NOX4: variants seen among roughly 807,000 people sequenced by gnomAD.
NOX4 encodes kidney oxidase-1.
Under a neutral mutation model 87.6 loss-of-function variants are expected in NOX4, and 69 were observed. That is an observed-to-expected ratio of 0.79 (90% CI 0.65 to 0.96). The LOEUF (loss-of-function observed/expected upper bound fraction) is 0.96. NOX4 is among the 40% of genes least tolerant of loss of function. NOX4 has a pLI of 0.00. For synonymous variants in NOX4, 275 were observed against 238.2 expected, an observed-to-expected ratio of 1.15 and a Z score of -1.42; for missense variants, 680 against 681.5, an observed-to-expected ratio of 1.00 and a Z score of 0.02.
At chr11:89,484,413 T>G (rs1946505710) in intron 2 of NOX4, among the ~76,000 whole-genome samples, 1 of 152,148 alleles carries the variant, frequency 6.6e-6, no homozygotes. Context: ...AAATCAATCA[T>G]TTTCGCTAGC....
chr11:89,497,586 C>A (rs1206114346), intron 1 of NOX4, among the ~76,000 whole-genome samples: 1 of 152,188 alleles, frequency 6.6e-6, no homozygotes, highest in Non-Finnish European at 1.5e-5. Context: ...ATTGAGCTCA[C>A]CGAGCACCTT....
At chr11:89,348,723 A>G (rs536878426) in intron 13 of NOX4, among the ~76,000 whole-genome samples, 14 of 152,050 alleles carry the variant, frequency 9.2e-5, no homozygotes, top group African/African-American at 3.4e-4. Flanking sequence ...ACACATACAC[A>G]GTTTTCAGCC....
Position 89,417,376 on chromosome 11 carries a change from T to C in NOX4, c.629+4526A>G, listed in dbSNP as rs573815132. 3.3e-5 allele frequency among the ~76,000 whole-genome samples: 5 copies of C among 152,266 alleles called. No homozygotes were observed. In the South Asian group the frequency reaches 1.0e-3, roughly 32 times the overall value. On this transcript the variant is annotated intron_variant, in intron 8 of 17. Transcript: ENST00000263317. ...AAAGAGGAAATGGTTTTGTTTTGTT[T>C]TGTTTTCACCAGGTATCTTAGGAAT... is the stretch of plus-strand genomic sequence containing the variant.
chr11:89,488,122 A>G (rs1456194718), intron 2 of NOX4, among the ~76,000 whole-genome samples: 1 of 152,138 alleles, frequency 6.6e-6, no homozygotes, highest in Non-Finnish European at 1.5e-5. Context: ...TCTTGGTAAA[A>G]TGGAGAATAC....
chr11:89,575,984 T>C, the NOX4 span, among the ~76,000 whole-genome samples: 1 of 152,218 alleles, frequency 6.6e-6, no homozygotes, highest in African/African-American at 2.4e-5. Flanking sequence ...AGTCTATGAA[T>C]GCTCCATGTT....
chr11:89,356,706 T>C (rs1285667556), intron 12 of NOX4, among the ~76,000 whole-genome samples: 1 of 152,202 alleles, frequency 6.6e-6, no homozygotes, highest in Non-Finnish European at 1.5e-5. Flanking sequence ...GTTATATGTA[T>C]TTATCTCTCT....
intron 17 of NOX4, among the ~76,000 whole-genome samples, chr11:89,331,238 C>T (rs1945455850): frequency 6.6e-6 from 1 of 151,366 alleles, no homozygotes; most frequent in African/African-American, 2.4e-5. Context: ...TTAAAATAAC[C>T]CATGGGTCAA....
chr11:89,373,958 C>A (rs1939650211), intron 11 of NOX4, among the ~76,000 whole-genome samples: 1 of 151,920 alleles, frequency 6.6e-6, no homozygotes, highest in Non-Finnish European at 1.5e-5. Flanking sequence ...CAATTATGCT[C>A]CTACAGAAAT....
chr11:89,405,115 T>TGTGTGTGTG (rs58137988), intron 8 of NOX4, among the ~76,000 whole-genome samples: 26 of 149,998 alleles, frequency 1.7e-4, no homozygotes, highest in African/African-American at 2.2e-4. Flanking sequence ...TGTGTGTGTG[T>TGTGTGTGTG]TGGAATGGGG....
At chr11:89,438,952 T>TATATA (rs566290748) in intron 6 of NOX4, among the ~76,000 whole-genome samples, 2,730 of 80,710 alleles carry the variant, frequency 0.034, 180 homozygotes, top group African/African-American at 0.12. Context: ...TATTATTTTA[T>TATATA]ATATAATAAT....
the NOX4 span, among the ~76,000 whole-genome samples, chr11:89,553,092 C>T: frequency 6.6e-6 from 1 of 152,090 alleles, no homozygotes; most frequent in Non-Finnish European, 1.5e-5. Context: ...CAGTGTTTTA[C>T]CCCACACAGG....
chr11:89,434,572 A>G (rs993103083), intron 6 of NOX4, among the ~76,000 whole-genome samples: 11 of 152,044 alleles, frequency 7.2e-5, no homozygotes, highest in African/African-American at 2.2e-4. Context: ...GAAAAATAGC[A>G]TGCCTGCAAA....
Position 89,440,692 on chromosome 11 carries a change from T to G in NOX4, c.471A>C (p.Thr157=). Residue 157 remains threonine (T), a synonymous_variant, in exon 6 of 18, where the codon ACA becomes ACC. Transcript: ENST00000263317. ...RDEDPRKLLF[T]TVPGLTGVCM... ...AGGCTAAGAATAACAACTTACCAGT[T>G]GTGAAGAGAAGTTTTCTAGGATCCT... 1.3e-6 allele frequency: 2 copies of G among 1,548,674 alleles called. No homozygotes were observed. The highest frequency in any genetic ancestry group is 1.8e-6 in the Non-Finnish European group (2 of 1,135,798).
At chr11:89,509,083 T>C in the NOX4 span, among the ~76,000 whole-genome samples, 1 of 152,214 alleles carries the variant, frequency 6.6e-6, no homozygotes, top group East Asian at 1.9e-4. Flanking sequence ...ATCATAATTC[T>C]GTTCCTCAAA....
intron 8 of NOX4, among the ~76,000 whole-genome samples, chr11:89,421,372 G>A (rs1943076563): frequency 6.6e-6 from 1 of 152,072 alleles, no homozygotes; most frequent in Non-Finnish European, 1.5e-5. Context: ...TATACTCTTT[G>A]TAATAAGCTT....
chr11:89,399,440 T>TAA (rs1565238827), intron 11 of NOX4, among the ~76,000 whole-genome samples: 1 of 110,182 alleles, frequency 9.1e-6, no homozygotes, highest in Non-Finnish European at 1.8e-5. Context: ...TAAATATATA[T>TAA]ATATATATAT....
At chr11:89,425,659 T>C (rs1426280067) in intron 7 of NOX4, among the ~76,000 whole-genome samples, 1 of 151,518 alleles carries the variant, frequency 6.6e-6, no homozygotes, top group East Asian at 1.9e-4. Flanking sequence ...GATTTGGGGG[T>C]AGGAGGAGGG....
rs1238761217 is a variant in NOX4 at position 89,326,488 on chromosome 11, C to T, written c.*268G>A. ...TTCTTGAATCCACCATGAAAATCAA[C>T]AGTGTGCATCTAACAGTTTTCTTTT... On this transcript the variant is annotated 3_prime_UTR_variant, in exon 18 of 18. Transcript: ENST00000263317. 8.4e-6 allele frequency: 2 copies of T among 238,784 alleles called. No homozygotes were observed. The highest frequency in any genetic ancestry group is 1.6e-5 in the Non-Finnish European group (2 of 124,126). The allele number at this position is 238,784 out of a possible 1,614,324, so 14.8% of individuals were successfully genotyped here.
the NOX4 span, among the ~76,000 whole-genome samples, chr11:89,537,225 T>C: frequency 6.6e-6 from 1 of 152,204 alleles, no homozygotes; most frequent in Non-Finnish European, 1.5e-5. Context: ...TAGGAATTGC[T>C]TTATTTTTAT....
Sources: allele counts gnomAD v4.1 joint callset (sites outside exome capture counted in the v4.1 genomes callset), GRCh38; gene constraint gnomAD v4.1.1; transcripts MANE v1.5; gene names NCBI Gene and HGNC (gene_info 2026-07-23, HGNC 2026-07-21).